DLGAP1: variants seen among roughly 807,000 people sequenced by gnomAD.
DLGAP1 encodes DLG associated protein 1.
Under a neutral mutation model 90.8 loss-of-function variants are expected in DLGAP1, and 11 were observed. The observed-to-expected ratio is 0.12, with a 90% confidence interval of 0.08 to 0.20. The LOEUF is 0.20. Ranked by LOEUF, DLGAP1 falls within the 10% of genes least tolerant of loss-of-function variation. The probability of loss-of-function intolerance (pLI) is 1.00; values close to 1 mark genes in which losing one functional copy is unlikely to be tolerated. For missense variants in DLGAP1, 1,050 were observed against 1,333.8 expected (o/e 0.79, Z 3.31); for synonymous variants, 558 against 540.7 (o/e 1.03, Z -0.44).
intron 1 of DLGAP1, among the ~76,000 whole-genome samples, chr18:4,283,870 G>A (rs1178412878): frequency 2.6e-5 from 4 of 152,066 alleles, no homozygotes; most frequent in Admixed American, 6.6e-5. Flanking sequence ...CCAAACTGGC[G>A]AATGAATATG....
At chr18:4,297,129 G>T (rs2080002145) in intron 1 of DLGAP1, among the ~76,000 whole-genome samples, 1 of 152,102 alleles carries the variant, frequency 6.6e-6, no homozygotes, top group South Asian at 2.1e-4. Flanking sequence ...GATAAATTTT[G>T]TTTTTATCTT....
intron 7 of DLGAP1, among the ~76,000 whole-genome samples, chr18:3,698,233 T>A (rs2061160718): frequency 6.6e-6 from 1 of 152,186 alleles, no homozygotes. Flanking sequence ...CATTATGATG[T>A]TTCCTGGTTA....
rs916504775 is a variant in DLGAP1, at chr18:4,167,061, C to T, written c.-266-15774G>A. ...TATATTTTACCATAATAAATAGACA[C>T]TACAAATTAATCAAGACAGACTCCA... is the stretch of plus-strand genomic sequence containing the variant. On this transcript the variant is annotated intron_variant, in intron 1 of 12. Transcript: ENST00000315677. Among the ~76,000 whole-genome samples, 2 of 151,902 alleles carry T rather than the reference C, an allele frequency of 1.3e-5. 1 individual carries two copies. Among genetic ancestry groups the T allele is most frequent in the South Asian group, 4.1e-4 (2 of 4,820 alleles).
intron 7 of DLGAP1, among the ~76,000 whole-genome samples, chr18:3,646,857 G>A (rs60722902): frequency 2.0e-4 from 30 of 152,078 alleles, no homozygotes; most frequent in Non-Finnish European, 3.5e-4. Flanking sequence ...CCCGGGAGGC[G>A]GAGCTTGCAG....
intron 1 of DLGAP1, among the ~76,000 whole-genome samples, chr18:4,264,381 A>C (rs1259315019): frequency 6.6e-6 from 1 of 152,208 alleles, no homozygotes; most frequent in Non-Finnish European, 1.5e-5. Flanking sequence ...ACAAAGTTCA[A>C]TGTCATTGTT....
chr18:3,960,273 A>G (rs756139072), intron 3 of DLGAP1, among the ~76,000 whole-genome samples: 6 of 151,860 alleles, frequency 4.0e-5, no homozygotes, highest in Non-Finnish European at 7.4e-5. Context: ...GCCTTTTCCT[A>G]TTGTCTGCTA....
chr18:4,399,471 C>T (rs957929370), intron 1 of DLGAP1, among the ~76,000 whole-genome samples: 2 of 152,164 alleles, frequency 1.3e-5, no homozygotes, highest in East Asian at 3.9e-4. Context: ...CGTCAGAACG[C>T]TTATCTGTCC....
At chr18:3,537,702 T>C (rs62083992) in intron 9 of DLGAP1, among the ~76,000 whole-genome samples, 4,079 of 152,348 alleles carry the variant, frequency 0.027, 92 homozygotes, top group Non-Finnish European at 0.046. Context: ...TTTTCCATAG[T>C]GGCTACACCA....
Position 3,526,673 on chromosome 18 carries a change from G to T in DLGAP1, c.2479+7521C>A, listed in dbSNP as rs1006728344. On this transcript the variant is annotated intron_variant, in intron 10 of 12. Coordinates refer to ENST00000315677, the MANE Select transcript of DLGAP1 (RefSeq NM_004746.4). The surrounding 1 kb of genome is among the most constrained non-coding windows in gnomAD (Gnocchi z 4.7). ...GTACAATCACCGGTATTTCATCTTA[G>T]GGCCATTGAAACCTGAGCCTATGTT... Among the ~76,000 whole-genome samples the T allele has an allele frequency of 6.6e-6, 1 of 152,218 alleles. No homozygotes were observed. The highest frequency in any genetic ancestry group is 2.4e-5 in the African/African-American group (1 of 41,444).
At chr18:4,230,682 GA>G (rs984472251) in intron 1 of DLGAP1, among the ~76,000 whole-genome samples, 2 of 149,460 alleles carry the variant, frequency 1.3e-5, no homozygotes, top group African/African-American at 4.9e-5. Context: ...TACATAAATA[GA>G]AAGAATGACT....
At chr18:4,149,577 G>T (rs4798183) in intron 2 of DLGAP1, among the ~76,000 whole-genome samples, 70,930 of 151,978 alleles carry the variant, frequency 0.47, 17,778 homozygotes, top group East Asian at 0.74. Flanking sequence ...CTGGTTCCTG[G>T]TAGGAACTGG....
chr18:4,421,816 C>A (rs1206258885), intron 1 of DLGAP1, among the ~76,000 whole-genome samples: 1 of 152,170 alleles, frequency 6.6e-6, no homozygotes, highest in Non-Finnish European at 1.5e-5. Flanking sequence ...TCAAGCAACT[C>A]TCCTGCCTCA....
chr18:4,352,036 T>G (rs767413014), intron 1 of DLGAP1, among the ~76,000 whole-genome samples: 46 of 152,304 alleles, frequency 3.0e-4, no homozygotes, highest in Non-Finnish European at 5.1e-4. Flanking sequence ...AGAAAAATAT[T>G]CACAGTACTA....
chr18:4,170,730 A>G (rs2077009069), intron 1 of DLGAP1, among the ~76,000 whole-genome samples: 1 of 152,184 alleles, frequency 6.6e-6, no homozygotes, highest in Non-Finnish European at 1.5e-5. Flanking sequence ...TCTAATCTTT[A>G]TATAATAATA....
chr18:4,161,258 C>T (rs1349544806), intron 1 of DLGAP1, among the ~76,000 whole-genome samples: 1 of 152,046 alleles, frequency 6.6e-6, no homozygotes, highest in Non-Finnish European at 1.5e-5. Context: ...AGGACAGACA[C>T]CAGTGTGTGT....
In DLGAP1 at chr18:4,115,477, C is replaced by CCTTTCTTTCTTTCTTT. The variant is rs71368730; in HGVS notation, c.-159+35687_-159+35702dup. ...AACTACCATCTAGTGTCATTTTCTT[C>CCTTTCTTTCTTTCTTT]CTTTCTTTCTTTCTTTCTTTTTTTT... On this transcript the variant is annotated intron_variant, in intron 2 of 12. Coordinates refer to ENST00000315677, the MANE Select transcript of DLGAP1 (RefSeq NM_004746.4). Among the ~76,000 whole-genome samples, 23 of 145,482 alleles carry CCTTTCTTTCTTTCTTT rather than the reference C, an allele frequency of 1.6e-4. 1 individual carries two copies. The highest frequency in any genetic ancestry group is 3.0e-4 in the African/African-American group (11 of 36,084).
chr18:3,638,237 G>A (rs973884646), intron 7 of DLGAP1, among the ~76,000 whole-genome samples: 44 of 141,820 alleles, frequency 3.1e-4, no homozygotes, highest in African/African-American at 9.6e-4. Context: ...GTGAGCCACC[G>A]TGCCCGGCCC....
intron 8 of DLGAP1, among the ~76,000 whole-genome samples, chr18:3,579,459 C>G (rs2055360646): frequency 6.6e-6 from 1 of 152,242 alleles, no homozygotes; most frequent in South Asian, 2.1e-4. Context: ...ACCCACCCGC[C>G]TTGGCCTCCC....
chr18:4,270,619 A>G (rs922840171), intron 1 of DLGAP1, among the ~76,000 whole-genome samples: 3 of 152,204 alleles, frequency 2.0e-5, no homozygotes, highest in Non-Finnish European at 4.4e-5. Flanking sequence ...AAGAACACTT[A>G]CAAGAAAATA....
Sources: gnomAD v4.1 joint callset for allele counts (sites outside exome capture counted in the v4.1 genomes callset) on GRCh38, gnomAD v4.1.1 for gene constraint, Gnocchi (gnomAD v3.1) non-coding constraint, MANE v1.5 for transcripts, NCBI Gene and HGNC (gene_info 2026-07-23, HGNC 2026-07-21) for gene names.